Variants in SMPD3 observed in about 807,000 individuals in gnomAD.
The protein encoded by SMPD3 is sphingomyelin phosphodiesterase 3, also known as nSMase-2.
In SMPD3, 21 loss-of-function variants were observed where a neutral mutation model predicts 55.7. The observed-to-expected ratio is 0.38, with a 90% CI of 0.27 to 0.54. The LOEUF is 0.54. SMPD3 is among the 20% of genes least tolerant of loss of function. The pLI, the probability that SMPD3 is intolerant of heterozygous loss-of-function variation, is 0.80. For synonymous variants in SMPD3, 457 were observed against 404.3 expected (o/e 1.13, Z -1.56); for missense variants, 842 against 899.6 (o/e 0.94, Z 0.82).
intron 1 of SMPD3, among the ~76,000 whole-genome samples, chr16:68,437,872 G>C (rs961210677): frequency 6.6e-6 from 1 of 152,318 alleles, no homozygotes; most frequent in African/African-American, 2.4e-5. Context: ...TAAGGAGGAT[G>C]GGGTTTGGTT....
At chr16:68,432,212 T>C (rs955921238) in intron 1 of SMPD3, among the ~76,000 whole-genome samples, 6 of 152,210 alleles carry the variant, frequency 3.9e-5, no homozygotes, top group African/African-American at 1.4e-4. Flanking sequence ...AAGAGGAGAT[T>C]GCAAATTACA....
rs892110854 is a variant in SMPD3 at position 68,371,375 on chromosome 16, G to T, written c.807C>A (p.Asn269Lys). The T allele has an allele frequency of 1.3e-6, 2 of 1,570,436 alleles. No individual in the cohort carries two copies. The highest frequency in any genetic ancestry group is 1.4e-5 in the African/African-American group (1 of 73,740). ...GGCCCCTTGGGCCCCCGCCAGCTCC[G>T]TTCCTGGCCTGGCCCCCAGGCACAG... is the stretch of plus-strand genomic sequence containing the variant. ...DDPVPGGQAR[N>K]GAGGGPRGQT... The change falls in exon 3 of 9, where the codon AAC becomes AAA. Residue 269 changes from asparagine (N) to lysine (K), a missense_variant. By Grantham distance (94) the Asn-to-Lys change is moderately conservative. Transcript: ENST00000219334.
rs992552838 is a variant in SMPD3, at chr16:68,447,706, A to G, written c.-269+647T>C. Among the ~76,000 whole-genome samples the G allele has an allele frequency of 6.6e-6, 1 of 151,196 alleles. No individual in the cohort carries two copies. Among genetic ancestry groups the G allele is most frequent in the African/African-American group, 2.4e-5 (1 of 41,092 alleles). Reference sequence around the variant, plus strand: ...ATTCCAATTCCACCCTTCACCAGTAACCTAGGAGGGTCCAAGTGGGAGGGG... The same window carrying G: ...ATTCCAATTCCACCCTTCACCAGTAGCCTAGGAGGGTCCAAGTGGGAGGGG... On this transcript the variant is annotated intron_variant, in intron 1 of 8. Transcript: ENST00000219334. This position sits in a 1 kb window ranked among gnomAD's most constrained non-coding sequence, Gnocchi z 5.1.
At chr16:68,418,557 G>A (rs1296181678) in intron 1 of SMPD3, among the ~76,000 whole-genome samples, 4 of 152,112 alleles carry the variant, frequency 2.6e-5, no homozygotes, top group Non-Finnish European at 5.9e-5. Flanking sequence ...TCCCCAAAAG[G>A]CAAATGGGGA....
At chr16:68,430,164 C>G (rs2152029171) in intron 1 of SMPD3, among the ~76,000 whole-genome samples, 1 of 152,232 alleles carries the variant, frequency 6.6e-6, no homozygotes, top group South Asian at 2.1e-4. Context: ...GACCTGACAG[C>G]AGCAAAAGCT....
chr16:68,363,732 T>G, intron 6 of SMPD3, 45 bp downstream of exon 6: 1 of 1,518,338 alleles, frequency 6.6e-7, no homozygotes, highest in Non-Finnish European at 8.9e-7. Context: ...GAGGGAAGTC[T>G]GTGGGGAGCC....
intron 1 of SMPD3, among the ~76,000 whole-genome samples, chr16:68,443,162 A>T (rs533024486): frequency 3.4e-4 from 52 of 152,302 alleles, no homozygotes; most frequent in Non-Finnish European, 6.5e-4. Context: ...TGGAACTGCC[A>T]CTTTAGGAGG....
intron 2 of SMPD3, among the ~76,000 whole-genome samples, chr16:68,384,764 C>T (rs1047781684): frequency 3.4e-4 from 51 of 152,162 alleles, no homozygotes; most frequent in African/African-American, 1.2e-3. Context: ...CCCGCAAGCA[C>T]TCAGTATTTT....
chr16:68,379,392 G>C (rs1837673634), intron 2 of SMPD3, among the ~76,000 whole-genome samples: 1 of 152,228 alleles, frequency 6.6e-6, no homozygotes. Context: ...CGTCTCTCAG[G>C]GTAGTTGCAG....
At chr16:68,394,395 T>C (rs2090137741) in intron 1 of SMPD3, among the ~76,000 whole-genome samples, 1 of 152,260 alleles carries the variant, frequency 6.6e-6, no homozygotes, top group Non-Finnish European at 1.5e-5. Context: ...TCTAATTCTT[T>C]TATAATTTTC....
At chr16:68,442,006 G>T (rs1334877428) in intron 1 of SMPD3, among the ~76,000 whole-genome samples, 2 of 152,092 alleles carry the variant, frequency 1.3e-5, no homozygotes, top group Admixed American at 1.3e-4. Context: ...CCTCAAGCAA[G>T]CCTCCTGCCT....
At chr16:68,369,658 C>G (rs1177771286) in intron 3 of SMPD3, 2 of 152,292 alleles carry the variant, frequency 1.3e-5, no homozygotes, top group African/African-American at 4.8e-5. Context: ...TTGGATCTAT[C>G]TGTCAGGAGT....
intron 1 of SMPD3, among the ~76,000 whole-genome samples, chr16:68,435,083 G>C (rs898665777): frequency 1.3e-5 from 2 of 151,732 alleles, no homozygotes; most frequent in Non-Finnish European, 2.9e-5. Context: ...TACTACCTGT[G>C]TTTGGAAGCC....
At chr16:68,391,369 C>G (rs182585028) in intron 1 of SMPD3, among the ~76,000 whole-genome samples, 2 of 152,162 alleles carry the variant, frequency 1.3e-5, no homozygotes, top group Non-Finnish European at 2.9e-5. Flanking sequence ...TATTGTGGAC[C>G]TGACATCCTT....
At chr16:68,409,543 A>C (rs1481175319) in intron 1 of SMPD3, among the ~76,000 whole-genome samples, 1 of 152,174 alleles carries the variant, frequency 6.6e-6, no homozygotes, top group Non-Finnish European at 1.5e-5. Flanking sequence ...GGTAAACTGC[A>C]CACAAAATCC....
In SMPD3 at chr16:68,361,370, C is replaced by T. The variant is rs934208816; in HGVS notation, c.1867-63G>A. ...GATTCCAAGGGCATCTTGCAGGGAG[C>T]GGCCTGGGGATCCCCAAAGTGAGGC... is the stretch of plus-strand genomic sequence containing the variant. On this transcript the variant is annotated intron_variant, in intron 8 of 8. Transcript: ENST00000219334. 26 of 1,520,874 alleles carry T rather than the reference C, an allele frequency of 1.7e-5. No individual in the cohort carries two copies. In the Middle Eastern group the frequency reaches 1.4e-3, roughly 79 times the overall value. 94.2% of individuals were successfully genotyped at this position (1,520,874 alleles called of 1,614,324 possible).
chr16:68,389,406 G>T (rs1302241030), intron 1 of SMPD3, among the ~76,000 whole-genome samples: 2 of 152,226 alleles, frequency 1.3e-5, no homozygotes, highest in Non-Finnish European at 2.9e-5. Flanking sequence ...CACTGAGCTT[G>T]GTCAGTTTCC....
intron 2 of SMPD3, among the ~76,000 whole-genome samples, chr16:68,379,542 G>A (rs533412056): frequency 6.6e-6 from 1 of 152,302 alleles, no homozygotes; most frequent in Admixed American, 6.5e-5. Context: ...CTCCTCTTGA[G>A]GCTGGTTTGC....
chr16:68,397,586 G>C (rs2090169317), intron 1 of SMPD3, among the ~76,000 whole-genome samples: 1 of 152,138 alleles, frequency 6.6e-6, no homozygotes. Context: ...ACTCTTTCAT[G>C]GCCCCCAGGA....
Sources: allele counts gnomAD v4.1 joint callset (sites outside exome capture counted in the v4.1 genomes callset), GRCh38; gene constraint gnomAD v4.1.1; non-coding constraint Gnocchi (gnomAD v3.1); transcripts MANE v1.5; gene names NCBI Gene and HGNC (gene_info 2026-07-23, HGNC 2026-07-21).